Variants in LASP1 observed in about 807,000 individuals in gnomAD.
LASP1 encodes LIM and SH3 protein 1, also known as LIM and SH3 domain protein 1.
LASP1 carries 10 observed loss-of-function variants against 38.6 expected under a neutral mutation model. The observed-to-expected ratio is 0.26, with a 90% CI of 0.16 to 0.44. LASP1 has a LOEUF of 0.44. Among genes scored for constraint, LASP1 ranks in the 20% least tolerant of loss-of-function variants. The pLI, the probability that LASP1 is intolerant of heterozygous loss-of-function variation, is 1.00. For missense variants in LASP1, 243 were observed against 375.7 expected (o/e 0.65, Z 2.92); for synonymous variants, 132 against 140.8 (o/e 0.94, Z 0.44).
chr17:38,905,396 C>T (rs556146462), intron 4 of LASP1, among the ~76,000 whole-genome samples: 6 of 151,888 alleles, frequency 4.0e-5, no homozygotes, highest in African/African-American at 7.2e-5. Flanking sequence ...GGTGTGGTGG[C>T]GCACTCGGTG....
At chr17:38,891,881 G>A (rs1914335856) in intron 3 of LASP1, among the ~76,000 whole-genome samples, 1 of 152,146 alleles carries the variant, frequency 6.6e-6, no homozygotes, top group Non-Finnish European at 1.5e-5. Flanking sequence ...GATCACTTGA[G>A]CCCAGGAGTT....
At chr17:38,910,549 C>T (rs1008700980) in intron 4 of LASP1, among the ~76,000 whole-genome samples, 2 of 151,974 alleles carry the variant, frequency 1.3e-5, no homozygotes, top group South Asian at 2.1e-4. Flanking sequence ...CATAGATTCC[C>T]AGCTTCTGCT....
intron 4 of LASP1, among the ~76,000 whole-genome samples, chr17:38,899,515 C>T (rs555852605): frequency 1.3e-5 from 2 of 152,112 alleles, no homozygotes; most frequent in Admixed American, 6.5e-5. Flanking sequence ...TTGGCTGGGC[C>T]GTGCATAGAG....
intron 4 of LASP1, among the ~76,000 whole-genome samples, chr17:38,902,384 T>C (rs1914667246): frequency 2.0e-5 from 3 of 149,214 alleles, no homozygotes; most frequent in African/African-American, 7.4e-5. Context: ...TTTTTTTTTT[T>C]TTTTTTTTTT....
chr17:38,885,169 C>A (rs1258990739), intron 2 of LASP1, among the ~76,000 whole-genome samples: 1 of 152,150 alleles, frequency 6.6e-6, no homozygotes, highest in African/African-American at 2.4e-5. Flanking sequence ...TGGCTGGGGT[C>A]CATCTGGCCT....
intron 1 of LASP1, 114 bp downstream of exon 1, chr17:38,870,372 A>G: frequency 8.3e-7 from 1 of 1,199,938 alleles, no homozygotes; most frequent in Non-Finnish European, 1.2e-6. Flanking sequence ...AGGAGAATGG[A>G]GGGAGGGCGA....
At chr17:38,882,002 T>C (rs1004091718) in intron 2 of LASP1, among the ~76,000 whole-genome samples, 1 of 152,210 alleles carries the variant, frequency 6.6e-6, no homozygotes, top group Non-Finnish European at 1.5e-5. Flanking sequence ...AGGCCAGAGC[T>C]CACTGCCAGC....
chr17:38,915,317 C>T lies in LASP1; in HGVS notation c.612+171C>T, dbSNP rs979383602. 1.4e-5 allele frequency: 8 copies of T among 564,904 alleles called. No homozygotes were observed. In the Admixed American group the frequency reaches 1.9e-4, roughly 13 times the overall value. 35.0% of individuals were successfully genotyped at this position (564,904 alleles called of 1,614,324 possible). ...AATTGGTTGGCGTAGTGGGCAGAGG[C>T]TGGCTGGGACTGGGGCCCTGCGTTC... is the stretch of plus-strand genomic sequence containing the variant. On this transcript the variant is annotated intron_variant, in intron 6 of 6. Transcript: ENST00000318008.
chr17:38,905,091 C>T (rs896708365), intron 4 of LASP1, among the ~76,000 whole-genome samples: 1 of 152,130 alleles, frequency 6.6e-6, no homozygotes, highest in African/African-American at 2.4e-5. Context: ...TTTTTCATTG[C>T]TATATAGTAT....
chr17:38,872,339 G>A (rs1269778269), intron 1 of LASP1, among the ~76,000 whole-genome samples: 3 of 152,184 alleles, frequency 2.0e-5, no homozygotes, highest in Non-Finnish European at 2.9e-5. Flanking sequence ...CCCGAGGGGA[G>A]GGGAGCAGGG....
At chr17:38,885,824 A>T (rs1225456653) in intron 2 of LASP1, among the ~76,000 whole-genome samples, 16 of 152,162 alleles carry the variant, frequency 1.1e-4, no homozygotes, top group Non-Finnish European at 2.4e-4. Context: ...GAAAAGGTAG[A>T]ATTCCCAAAA....
At chr17:38,888,267 T>G (rs1019238959) in intron 2 of LASP1, among the ~76,000 whole-genome samples, 2 of 151,692 alleles carry the variant, frequency 1.3e-5, no homozygotes, top group Non-Finnish European at 2.9e-5. Flanking sequence ...CTGCACCAGC[T>G]TCAATTCCTG....
chr17:38,907,730 G>A (rs984069862), intron 4 of LASP1, among the ~76,000 whole-genome samples: 1 of 152,186 alleles, frequency 6.6e-6, no homozygotes, highest in Non-Finnish European at 1.5e-5. Flanking sequence ...GGGTCAGCCA[G>A]CCGTAACTTT....
chr17:38,892,172 A>G (rs226232), intron 3 of LASP1, among the ~76,000 whole-genome samples: 149,344 of 152,324 alleles, frequency 0.98, 73,227 homozygotes, highest in East Asian at 1. Context: ...GGGTTCTGGG[A>G]GAAGGTAAAA....
Position 38,918,863 on chromosome 17 carries a change from T to C in LASP1, c.*85T>C. ...TGACCCGTCCATTCTTCAGTGTCTC[T>C]GTTTTTTAAAACCTGCGACAGCTTG... On this transcript the variant is annotated 3_prime_UTR_variant, in exon 7 of 7. Coordinates refer to ENST00000318008, the MANE Select transcript of LASP1 (RefSeq NM_006148.4). The surrounding 1 kb of genome is among the most constrained non-coding windows in gnomAD (Gnocchi z 4.4). 6.8e-7 allele frequency: 1 copy of C among 1,471,318 alleles called. No homozygotes were observed. The allele number at this position is 1,471,318 out of a possible 1,614,324, so 91.1% of individuals were successfully genotyped here.
intron 2 of LASP1, among the ~76,000 whole-genome samples, chr17:38,883,739 C>CTTTTTTTTTTTTTTT (rs60761350): frequency 7.8e-6 from 1 of 128,350 alleles, no homozygotes; most frequent in Non-Finnish European, 1.7e-5. Flanking sequence ...CAGGGGCAGG[C>CTTTTTTTTTTTTTTT]TTTTTTTTTT....
chr17:38,888,189 TC>T (rs1222130302), intron 2 of LASP1, among the ~76,000 whole-genome samples: 1 of 151,868 alleles, frequency 6.6e-6, no homozygotes, highest in Non-Finnish European at 1.5e-5. Flanking sequence ...GCTGCCTGTC[TC>T]TCCTGCAGCT....
chr17:38,873,643 G>T (rs932441643), intron 1 of LASP1, among the ~76,000 whole-genome samples: 1 of 152,186 alleles, frequency 6.6e-6, no homozygotes, highest in African/African-American at 2.4e-5. Context: ...CTTGTATGGG[G>T]GCGTGGGGCC....
intron 4 of LASP1, among the ~76,000 whole-genome samples, chr17:38,902,432 C>G (rs1914669834): frequency 7.0e-6 from 1 of 143,192 alleles, no homozygotes; most frequent in African/African-American, 2.6e-5. Context: ...GTCTTAAACT[C>G]CTGGACTTAA....
Sources: gnomAD v4.1 joint callset for allele counts (sites outside exome capture counted in the v4.1 genomes callset) on GRCh38, gnomAD v4.1.1 for gene constraint, Gnocchi (gnomAD v3.1) non-coding constraint, MANE v1.5 for transcripts, NCBI Gene and HGNC (gene_info 2026-07-23, HGNC 2026-07-21) for gene names.